Variants in TNRC6C observed in about 807,000 individuals in gnomAD.
TNRC6C encodes the protein trinucleotide repeat-containing gene 6C protein.
Under a neutral mutation model 153.7 loss-of-function variants are expected in TNRC6C, and 20 were observed. The observed-to-expected ratio is 0.13, with a 90% CI of 0.09 to 0.19. TNRC6C has a LOEUF of 0.19. Ranked by LOEUF, TNRC6C falls within the 10% of genes least tolerant of loss-of-function variation. TNRC6C has a pLI of 1.00. For synonymous variants in TNRC6C, 811 were observed against 841.4 expected (o/e 0.96, Z 0.63); for missense variants, 1,987 against 2,172.0 (o/e 0.91, Z 1.69).
intron 1 of TNRC6C, 105 bp from the exon 4 acceptor site, chr17:78,031,411 A>G: frequency 1.2e-6 from 1 of 852,236 alleles, no homozygotes; most frequent in Non-Finnish European, 1.6e-6. Flanking sequence ...AAAGCACTAC[A>G]TTGTCATTTT....
chr17:77,995,616 A>G (rs184101033), intron 1 of TNRC6C, among the ~76,000 whole-genome samples: 2 of 152,274 alleles, frequency 1.3e-5, no homozygotes, highest in South Asian at 2.1e-4. Flanking sequence ...CCCAAGCATT[A>G]TTAATAACCA....
chr17:78,000,617 C>G (rs1389793414), upstream of TNRC6C, among the ~76,000 whole-genome samples: 22 of 37,832 alleles, frequency 5.8e-4, 2 homozygotes, highest in African/African-American at 1.8e-3. Context: ...TTTCTCCCTC[C>G]GCCCCCCCCC....
rs551162901 is a variant in TNRC6C at position 78,048,606 on chromosome 17, A to G, written c.-218-239A>G. On this transcript the variant is annotated intron_variant, in intron 2 of 19. Transcript: ENST00000301624. ...CTAACGTGCATTGTGAGTATTCTCC[A>G]GGGGGAATAATAGTACAGTGTAGTG... Among the ~76,000 whole-genome samples, 25 of 152,350 alleles carry G rather than the reference A, an allele frequency of 1.6e-4. No individual in the cohort carries two copies. In the South Asian group the frequency reaches 2.7e-3, roughly 16 times the overall value.
Position 78,064,853 on chromosome 17 carries a change from G to A in TNRC6C, c.2527G>A (p.Gly843Arg), listed in dbSNP as rs761558789. Residue 843 changes from glycine (G) to arginine (R), a missense_variant, in exon 4 of 20, where the codon GGG becomes AGG. Coordinates refer to ENST00000301624, the Ensembl canonical transcript of TNRC6C. The stretch of plus-strand genomic sequence containing the variant: ...GGGGAAGCCACCCAGCAGTGGCAGC[G>A]GGTGGGGAGATCACCCTGCAGAGCC... The A allele has an allele frequency of 1.4e-5, 22 of 1,613,254 alleles. No individual in the cohort carries two copies. Among genetic ancestry groups the A allele is most frequent in the East Asian group, 2.2e-5 (1 of 44,864 alleles).
chr17:78,083,284 CT>C lies in TNRC6C; in HGVS notation c.3477+119del. The C allele has an allele frequency of 2.2e-6, 3 of 1,357,382 alleles. No individual in the cohort carries two copies. In the Admixed American group the frequency reaches 6.4e-5, roughly 29 times the overall value. The allele number at this position is 1,357,382 out of a possible 1,614,324, so 84.1% of individuals were successfully genotyped here. On this transcript the variant is annotated intron_variant, in intron 11 of 19. Transcript: ENST00000301624. ...TCACGTCAGGGATGTCATTGAGACT[CT>C]CATGAAGTATTTAAACTCTTCATGA...
At chr17:78,095,731 C>T (rs938951816) in intron 16 of TNRC6C, among the ~76,000 whole-genome samples, 3 of 152,066 alleles carry the variant, frequency 2.0e-5, no homozygotes, top group African/African-American at 4.8e-5. Context: ...CATCTCTTCA[C>T]GTAGAAATTG....
At chr17:78,070,591 G>A (rs571519116) in intron 5 of TNRC6C, among the ~76,000 whole-genome samples, 1 of 150,318 alleles carries the variant, frequency 6.7e-6, no homozygotes, top group Non-Finnish European at 1.5e-5. Flanking sequence ...TCTACCCTAT[G>A]AGCTATAAGT....
intron 1 of TNRC6C, among the ~76,000 whole-genome samples, chr17:78,028,180 C>T (rs943475406): frequency 2.0e-5 from 3 of 152,132 alleles, no homozygotes; most frequent in African/African-American, 7.2e-5. Flanking sequence ...CAGGCGTGAG[C>T]CATCGCCCCC....
At chr17:78,066,673 A>T (rs1209873228) in intron 4 of TNRC6C, 1 of 152,204 alleles carries the variant, frequency 6.6e-6, no homozygotes, top group African/African-American at 2.4e-5. Context: ...ACCGAAAATC[A>T]CTTTGTATTT....
chr17:78,024,851 A>G (rs912789949), intron 1 of TNRC6C, among the ~76,000 whole-genome samples: 11 of 150,584 alleles, frequency 7.3e-5, no homozygotes, highest in South Asian at 2.1e-4. Flanking sequence ...CTGGAGTGCA[A>G]TGGTGCGATC....
At chr17:77,961,101 A>G (rs1026358295) in intron 1 of TNRC6C, among the ~76,000 whole-genome samples, 5 of 150,820 alleles carry the variant, frequency 3.3e-5, no homozygotes, top group Admixed American at 2.6e-4. Flanking sequence ...CTTGTTTGTA[A>G]CTCTTCTGTG....
chr17:78,069,138 G>A (rs911074894), intron 5 of TNRC6C, among the ~76,000 whole-genome samples: 1 of 151,822 alleles, frequency 6.6e-6, no homozygotes, highest in Non-Finnish European at 1.5e-5. Context: ...TAGCAAACTG[G>A]AAAAATATGT....
intron 2 of TNRC6C, among the ~76,000 whole-genome samples, chr17:78,036,463 A>G (rs1567927458): frequency 6.6e-6 from 1 of 152,214 alleles, no homozygotes; most frequent in Non-Finnish European, 1.5e-5. Context: ...TGTCCATTCC[A>G]GTAAACAGAG....
At chr17:78,011,359 T>C (rs1024486403) in intron 1 of TNRC6C, among the ~76,000 whole-genome samples, 17 of 152,164 alleles carry the variant, frequency 1.1e-4, no homozygotes, top group African/African-American at 4.1e-4. Context: ...CCCCCATCTG[T>C]CTCTAGGCAA....
intron 2 of TNRC6C, among the ~76,000 whole-genome samples, chr17:78,043,093 G>A (rs2072332707): frequency 6.6e-6 from 1 of 152,146 alleles, no homozygotes; most frequent in South Asian, 2.1e-4. Flanking sequence ...TGAGGTGGAA[G>A]AACCAAGAAG....
At chr17:78,086,932 A>G in exon 13 of TNRC6C, 1 of 1,612,624 alleles carries the variant, frequency 6.2e-7, no homozygotes, top group South Asian at 1.1e-5. Context: ...CTCGTGAAGC[A>G]GCCACCACCG....
chr17:77,983,573 A>G (rs2071112643), intron 1 of TNRC6C, among the ~76,000 whole-genome samples: 1 of 152,194 alleles, frequency 6.6e-6, no homozygotes, highest in Non-Finnish European at 1.5e-5. Flanking sequence ...ATGAAGGTTT[A>G]GGTCACCCTG....
upstream of TNRC6C, among the ~76,000 whole-genome samples, chr17:77,958,525 G>A (rs978611061): frequency 1.3e-5 from 2 of 151,964 alleles, no homozygotes; most frequent in African/African-American, 4.8e-5. Context: ...CGGGAGGGGC[G>A]CGCGGGGGAG....
Position 78,086,763 on chromosome 17 carries a change from A to T in TNRC6C, c.3562-90A>T, listed in dbSNP as rs1053970391. On this transcript the variant is annotated intron_variant, in intron 12 of 19. Coordinates refer to ENST00000301624, the Ensembl canonical transcript of TNRC6C. The stretch of plus-strand genomic sequence containing the variant: ...TGGCCTAGCCAGTAGTGGCCTCAGC[A>T]TAAAGACAATGAAGAATGCATTTGG... 25 of 1,578,938 alleles carry T rather than the reference A, an allele frequency of 1.6e-5. No individual in the cohort carries two copies. In the African/African-American group the frequency reaches 3.4e-4, roughly 21 times the overall value.
Sources: allele counts gnomAD v4.1 joint callset (sites outside exome capture counted in the v4.1 genomes callset), GRCh38; gene constraint gnomAD v4.1.1; transcripts MANE v1.5; gene names NCBI Gene and HGNC (gene_info 2026-07-23, HGNC 2026-07-21).